The following TP63 variants were observed in gnomAD, a reference collection of about 807,000 sequenced individuals.
TP63 encodes the protein tumor protein 63.
In TP63, 17 loss-of-function variants were observed where a neutral mutation model predicts 82.8. The ratio of observed to expected loss-of-function variants is 0.21; its 90% confidence interval spans 0.14 to 0.31. The LOEUF is 0.31. Ranked by LOEUF, TP63 falls within the 10% of genes least tolerant of loss-of-function variation. The probability of loss-of-function intolerance (pLI) is 1.00; values close to 1 mark genes in which losing one functional copy is unlikely to be tolerated. For missense variants in TP63, 648 were observed against 895.3 expected (o/e 0.72, Z 3.52); for synonymous variants, 330 against 321.7 (o/e 1.03, Z -0.28).
intron 1 of TP63, among the ~76,000 whole-genome samples, chr3:189,663,327 A>G (rs1714090380): frequency 6.6e-6 from 1 of 152,098 alleles, no homozygotes. Flanking sequence ...GTTCTTTTTC[A>G]TCAATGAAAG....
At chr3:189,663,990 T>C (rs1714158373) in intron 1 of TP63, among the ~76,000 whole-genome samples, 1 of 152,178 alleles carries the variant, frequency 6.6e-6, no homozygotes, top group Non-Finnish European at 1.5e-5. Flanking sequence ...TACTAAGTGC[T>C]TTAGCGTAAT....
chr3:189,837,133 A>T (rs1421838388), intron 4 of TP63, among the ~76,000 whole-genome samples: 2 of 152,150 alleles, frequency 1.3e-5, no homozygotes, highest in Non-Finnish European at 2.9e-5. Flanking sequence ...GGTGTTTCGC[A>T]GTCAACAAAA....
At chr3:189,835,653 G>A (rs1713025139) in intron 4 of TP63, among the ~76,000 whole-genome samples, 1 of 151,872 alleles carries the variant, frequency 6.6e-6, no homozygotes, top group African/African-American at 2.4e-5. Flanking sequence ...GCTGGGTGCA[G>A]TGGCTCACAC....
chr3:189,811,607 T>C (rs1030169078), intron 4 of TP63, among the ~76,000 whole-genome samples: 2 of 152,202 alleles, frequency 1.3e-5, no homozygotes, highest in African/African-American at 4.8e-5. Flanking sequence ...AGCCAAATTA[T>C]ATATCCTCAT....
rs933209405 is a variant in TP63, at chr3:189,649,732, G to A, written c.62+18155G>A. Among the ~76,000 whole-genome samples, 6 of 146,632 alleles carry A rather than the reference G, an allele frequency of 4.1e-5. 1 individual carries two copies. Among genetic ancestry groups the A allele is most frequent in the African/African-American group, 1.5e-4 (6 of 39,042 alleles). The stretch of plus-strand genomic sequence containing the variant: ...TCAACTGCATTTTAGAGATCTGAGC[G>A]ACATGGATCTGAGGGGAATGAGGAT... On this transcript the variant is annotated intron_variant, in intron 1 of 13. Transcript: ENST00000264731.
At chr3:189,817,254 C>G (rs146928655) in intron 4 of TP63, among the ~76,000 whole-genome samples, 332 of 152,204 alleles carry the variant, frequency 2.2e-3, no homozygotes, top group African/African-American at 7.7e-3. Flanking sequence ...TTTCTAAAGA[C>G]TTTTCCTTTG....
At chr3:189,753,774 C>G (rs77642186) in intron 3 of TP63, among the ~76,000 whole-genome samples, 8 of 151,994 alleles carry the variant, frequency 5.3e-5, no homozygotes. Context: ...AATTATTTAA[C>G]CTATTTTTAG....
intron 1 of TP63, among the ~76,000 whole-genome samples, chr3:189,673,738 C>A (rs1715137164): frequency 1.3e-5 from 2 of 152,068 alleles, no homozygotes; most frequent in Admixed American, 1.3e-4. Flanking sequence ...AATCACAACT[C>A]AATTCAATTA....
rs550908476 is a variant in TP63, at chr3:189,725,887, C to T, written c.63-11853C>T. Among the ~76,000 whole-genome samples, 8 of 152,276 alleles carry T rather than the reference C, an allele frequency of 5.3e-5. No homozygotes were observed. In the East Asian group the frequency reaches 1.5e-3, roughly 29 times the overall value. On this transcript the variant is annotated intron_variant, in intron 1 of 13. Coordinates refer to ENST00000264731, the MANE Select transcript of TP63 (RefSeq NM_003722.5). ...TGACCAACATGGTGAAACCCCATCT[C>T]TACTAAAAAATACAAAAATCAGCTG...
chr3:189,808,207 CT>C, intron 3 of TP63, 64 bp from the exon 4 acceptor site: 2 of 1,613,862 alleles, frequency 1.2e-6, no homozygotes, highest in Admixed American at 1.7e-5. Context: ...CCATGGATGC[CT>C]TTTTTTGGAG....
At chr3:189,747,829 C>G (rs996232179) in intron 3 of TP63, among the ~76,000 whole-genome samples, 1 of 149,734 alleles carries the variant, frequency 6.7e-6, no homozygotes, top group African/African-American at 2.5e-5. Context: ...ATTGATAAAC[C>G]ACTTACTAGA....
chr3:189,726,950 G>C (rs4635683), intron 1 of TP63, among the ~76,000 whole-genome samples: 101,663 of 152,102 alleles, frequency 0.67, 34,325 homozygotes, highest in African/African-American at 0.75. Flanking sequence ...TGCAACTCCT[G>C]AATTCTGCTG....
At chr3:189,609,685 T>C in the TP63 span, among the ~76,000 whole-genome samples, 19 of 152,198 alleles carry the variant, frequency 1.2e-4, no homozygotes, top group South Asian at 2.1e-4. Flanking sequence ...TCCACCTCCA[T>C]TCATGTTCAT....
chr3:189,788,521 T>C (rs757787847), intron 3 of TP63, among the ~76,000 whole-genome samples: 4 of 151,962 alleles, frequency 2.6e-5, no homozygotes, highest in South Asian at 2.1e-4. Context: ...TTTTCACTTA[T>C]AGTTATCTTG....
At chr3:189,638,009 C>T (rs533862407) in intron 1 of TP63, among the ~76,000 whole-genome samples, 8 of 152,174 alleles carry the variant, frequency 5.3e-5, no homozygotes, top group Admixed American at 2.0e-4. Context: ...CTGGAAAGGG[C>T]AAGGAAACCG....
At chr3:189,718,528 C>T (rs563507200) in intron 1 of TP63, among the ~76,000 whole-genome samples, 1 of 150,078 alleles carries the variant, frequency 6.7e-6, no homozygotes, top group East Asian at 2.0e-4. Context: ...AAACTGTCAC[C>T]GTGATCCAAT....
intron 1 of TP63, among the ~76,000 whole-genome samples, chr3:189,680,911 A>C (rs1267214136): frequency 1.3e-5 from 2 of 152,110 alleles, no homozygotes. Flanking sequence ...ATGAGCCTGG[A>C]GTCTGGGTCT....
intron 1 of TP63, among the ~76,000 whole-genome samples, chr3:189,686,133 C>T (rs1032383777): frequency 2.6e-5 from 4 of 152,080 alleles, no homozygotes; most frequent in African/African-American, 9.7e-5. Context: ...AGCTGTGACT[C>T]GTCATTTCCG....
chr3:189,772,030 G>A (rs1293183777), intron 3 of TP63, among the ~76,000 whole-genome samples: 1 of 152,118 alleles, frequency 6.6e-6, no homozygotes, highest in East Asian at 1.9e-4. Context: ...CTCCCTTGAT[G>A]TACTAAGAGC....
Sources: gnomAD v4.1 joint callset for allele counts (sites outside exome capture counted in the v4.1 genomes callset) on GRCh38, gnomAD v4.1.1 for gene constraint, MANE v1.5 for transcripts, NCBI Gene and HGNC (gene_info 2026-07-23, HGNC 2026-07-21) for gene names.